The following EXO1 variants were observed in gnomAD, a reference collection of about 807,000 sequenced individuals.
The protein encoded by EXO1 is exonuclease 1.
In EXO1, 69 loss-of-function variants were observed where a neutral mutation model predicts 84.5. The ratio of observed to expected loss-of-function variants is 0.82; its 90% CI spans 0.67 to 1.00. EXO1 has a LOEUF of 1.00. Ranked by LOEUF, EXO1 falls within the 50% of genes least tolerant of loss-of-function variation. EXO1 has a pLI of 0.00. For synonymous variants in EXO1, 373 were observed against 366.1 expected, an observed-to-expected ratio of 1.02 and a Z score of -0.21; for missense variants, 1,045 against 1,000.7, an observed-to-expected ratio of 1.04 and a Z score of -0.60.
intron 10 of EXO1, among the ~76,000 whole-genome samples, chr1:241,866,037 T>C (rs889919129): frequency 6.6e-6 from 1 of 152,248 alleles, no homozygotes; most frequent in African/African-American, 2.4e-5. Flanking sequence ...TCCCTTTGGC[T>C]GTCCTTCTCT....
At chr1:241,864,893 TA>T (rs1466770716) in intron 10 of EXO1, among the ~76,000 whole-genome samples, 1 of 150,496 alleles carries the variant, frequency 6.6e-6, no homozygotes, top group African/African-American at 2.4e-5. Context: ...TTTTTTTTTT[TA>T]AATTTGAGAC....
intron 14 of EXO1, among the ~76,000 whole-genome samples, chr1:241,884,674 T>TGTGTGTGTGCACGTGCAC (rs67560872): frequency 1.7e-4 from 26 of 149,698 alleles, no homozygotes; most frequent in Admixed American, 1.6e-3. Flanking sequence ...TGTGTGTGTG[T>TGTGTGTGTGCACGTGCAC]GTGCACGTGC....
chr1:241,864,345 G>C (rs1661585819), intron 10 of EXO1, among the ~76,000 whole-genome samples: 1 of 152,192 alleles, frequency 6.6e-6, no homozygotes, highest in East Asian at 1.9e-4. Flanking sequence ...AAAGTGAGTT[G>C]GGGCAGGCCA....
chr1:241,866,031 T>C (rs908990933), intron 10 of EXO1, among the ~76,000 whole-genome samples: 2 of 152,230 alleles, frequency 1.3e-5, no homozygotes, highest in Admixed American at 6.5e-5. Flanking sequence ...ATTTTTTCCC[T>C]TTGGCTGTCC....
rs1170067046 is a variant in EXO1, at chr1:241,857,860, T to G, written c.543+378T>G. On this transcript the variant is annotated intron_variant, in intron 7 of 15. Coordinates refer to ENST00000366548, the MANE Select transcript of EXO1 (RefSeq NM_130398.4). ...CAACATATGCTTTATATTTCTTGAT[T>G]AGGTTAGGTATACTAACTTATGTAC... Among the ~76,000 whole-genome samples, 5 of 152,322 alleles carry G rather than the reference T, an allele frequency of 3.3e-5. No homozygotes were observed. The South Asian group carries it at 1.0e-3, about 32-fold the overall frequency.
At chr1:241,862,120 TAG>T (rs1422308604) in intron 10 of EXO1, among the ~76,000 whole-genome samples, 1 of 152,156 alleles carries the variant, frequency 6.6e-6, no homozygotes, top group Non-Finnish European at 1.5e-5. Context: ...GTATTTTTAG[TAG>T]AGACAGGATT....
intron 5 of EXO1, 106 bp from the exon 6 acceptor site, chr1:241,853,252 A>G (rs1486284698): frequency 2.3e-6 from 3 of 1,299,418 alleles, no homozygotes; most frequent in African/African-American, 1.5e-5. Context: ...AATGAGTCAA[A>G]AACTTTTTTC....
At position 241,885,405 on chromosome 1, in the gene EXO1, A is replaced by G. The variant is rs753557075; in HGVS notation, c.2303A>G (p.Lys768Arg). The G allele has an allele frequency of 5.0e-6, 8 of 1,613,978 alleles. No individual in the cohort carries two copies. The highest frequency in any genetic ancestry group is 1.7e-5 in the Admixed American group (1 of 60,000). ...LGPARASGLS[K>R]KPASIQKRKH... ...CCTGCCAGAGCCAGTGGGCTGAGCA[A>G]GAAGCCGGCAAGCATCCAGAAGAGA... Residue 768 changes from lysine to arginine, a missense_variant, in exon 15 of 16, where the codon AAG (lysine) becomes AGG (arginine). Transcript: ENST00000366548.
chr1:241,872,305 T>C (rs776202939), intron 12 of EXO1, 27 bp downstream of exon 12: 9 of 1,610,170 alleles, frequency 5.6e-6, no homozygotes, highest in South Asian at 1.1e-5. Context: ...AGAATGTTGA[T>C]TGTCTGTTGT....
At position 241,866,833 on chromosome 1, in the gene EXO1, G is replaced by A. The variant is rs556027234; in HGVS notation, c.1045G>A (p.Ala349Thr). ...DDYNPDTAMP[A>T]HSRSHSWDDK... The stretch of plus-strand genomic sequence containing the variant: ...CTTTTTCCTTTTCCTTTTCTAGCCT[G>A]CCCATTCAAGAAGTCATAGTTGGGA... Residue 349 changes from alanine (A) to threonine (T), a missense_variant, in exon 11 of 16, where the codon GCC becomes ACC. Coordinates refer to ENST00000366548, the MANE Select transcript of EXO1 (RefSeq NM_130398.4). 4 of 1,601,634 alleles carry A rather than the reference G, an allele frequency of 2.5e-6. 1 individual carries two copies. The highest frequency in any genetic ancestry group is 2.2e-5 in the South Asian group (2 of 90,840).
At chr1:241,850,211 G>T (rs1660580473) in intron 3 of EXO1, among the ~76,000 whole-genome samples, 198 bp from the exon 4 acceptor site, 2 of 151,922 alleles carry the variant, frequency 1.3e-5, no homozygotes, top group South Asian at 4.1e-4. Context: ...AACCCGGGAG[G>T]CGGAGCTTGC....
intron 14 of EXO1, among the ~76,000 whole-genome samples, 166 bp downstream of exon 14, chr1:241,882,183 A>C (rs192595356): frequency 6.6e-6 from 1 of 152,174 alleles, no homozygotes; most frequent in South Asian, 2.1e-4. Flanking sequence ...TTAAGTTGTG[A>C]AACTTATTTT....
chr1:241,865,215 CTTTTTTT>C (rs76945375), intron 10 of EXO1, among the ~76,000 whole-genome samples: 2 of 138,054 alleles, frequency 1.4e-5, no homozygotes, highest in South Asian at 4.6e-4. Flanking sequence ...TTGAATATCT[CTTTTTTT>C]TTTTTTTTGA....
chr1:241,867,121 C>A, intron 11 of EXO1, 66 bp downstream of exon 11: 1 of 1,171,996 alleles, frequency 8.5e-7, no homozygotes, highest in Non-Finnish European at 1.3e-6. Flanking sequence ...CATTGCCCAA[C>A]GCAAAGTCGC....
rs1467243685 is a variant in EXO1, at chr1:241,885,322, G to A, written c.2220G>A (p.Gly740=). Residue 740 remains glycine (G), a synonymous_variant, in exon 15 of 16, where the codon GGG becomes GGA. Coordinates refer to ENST00000366548, the MANE Select transcript of EXO1 (RefSeq NM_130398.4). The part of the protein sequence containing the change: ...KDTPLRNKVP[G]LYKSSSADSL... ...GGGTGTTTAATCTTCAGGTTCCTGG[G>A]CTATATAAGTCCAGTTCTGCAGACT... 2.5e-6 allele frequency: 4 copies of A among 1,612,850 alleles called. No homozygotes were observed. Among genetic ancestry groups the A allele is most frequent in the Non-Finnish European group, 3.4e-6 (4 of 1,179,286 alleles).
Position 241,878,744 on chromosome 1 carries a change from AT to A in EXO1, c.1515-3del. 2 of 1,589,684 alleles carry A rather than the reference AT, an allele frequency of 1.3e-6. No homozygotes were observed. Among genetic ancestry groups the A allele is most frequent in the East Asian group, 2.3e-5 (1 of 44,378 alleles). ...ACTTATTGTTTCTATTGCTTTTTTT[AT>A]TAGGTTTTTTTGCAGTTCAGATTCT... On this transcript the variant is annotated splice_region_variant and splice_polypyrimidine_tract_variant and intron_variant, in intron 12 of 15. Coordinates refer to ENST00000366548, the MANE Select transcript of EXO1 (RefSeq NM_130398.4).
Position 241,858,812 on chromosome 1 carries a change from C to T in EXO1, c.756+94C>T, listed in dbSNP as rs546156822. Reference sequence around the variant, plus strand: ...ATATGGATTTAAATATTCTGTTATGCGAATAACCTATATTATATTATTAAA... The same window carrying T: ...ATATGGATTTAAATATTCTGTTATGTGAATAACCTATATTATATTATTAAA... On this transcript the variant is annotated intron_variant, in intron 8 of 15. Transcript: ENST00000366548. The T allele has an allele frequency of 1.9e-4, 171 of 888,580 alleles. No individual in the cohort carries two copies. In the East Asian group the frequency reaches 3.8e-3, roughly 20 times the overall value. 55.0% of individuals were successfully genotyped at this position (888,580 alleles called of 1,614,324 possible). A position where few individuals can be genotyped will look rare whatever the true frequency, so the allele number is the denominator to read the frequency against.
chr1:241,867,626 T>A (rs962972756), intron 11 of EXO1, among the ~76,000 whole-genome samples: 8 of 152,226 alleles, frequency 5.3e-5, no homozygotes, highest in Admixed American at 2.0e-4. Flanking sequence ...CTTTTTTTTT[T>A]AATCTTGTAT....
At chr1:241,853,301 G>A in intron 5 of EXO1, 57 bp from the exon 6 acceptor site, 2 of 1,589,932 alleles carry the variant, frequency 1.3e-6, no homozygotes, top group East Asian at 2.2e-5. Flanking sequence ...TTCTGTTACA[G>A]TTTCTTGAGT....
Sources: allele counts gnomAD v4.1 joint callset (sites outside exome capture counted in the v4.1 genomes callset), GRCh38; gene constraint gnomAD v4.1.1; transcripts MANE v1.5; gene names NCBI Gene and HGNC (gene_info 2026-07-23, HGNC 2026-07-21).